TNRC6B: variants seen among roughly 807,000 people sequenced by gnomAD.
TNRC6B encodes the protein trinucleotide repeat containing adaptor 6B.
In TNRC6B, 52 loss-of-function variants were observed where a neutral mutation model predicts 203.6. The observed-to-expected ratio is 0.26, with a 90% CI of 0.20 to 0.32. The LOEUF is 0.32. TNRC6B is among the 10% of genes least tolerant of loss of function. TNRC6B has a pLI of 1.00. For synonymous variants in TNRC6B, 838 were observed against 845.7 expected (o/e 0.99, Z 0.16); for missense variants, 1,923 against 2,286.2 (o/e 0.84, Z 3.24).
At chr22:40,291,067 A>G (rs1452944405) in intron 12 of TNRC6B, among the ~76,000 whole-genome samples, 4 of 152,156 alleles carry the variant, frequency 2.6e-5, no homozygotes, top group Non-Finnish European at 5.9e-5. Context: ...TGTATTTCTA[A>G]AAAATGAAGC....
rs747243061 is a variant in TNRC6B, at chr22:40,261,915, G to A, written c.199G>A (p.Gly67Ser). The A allele has an allele frequency of 6.2e-7, 1 of 1,610,476 alleles. No individual in the cohort carries two copies. Among genetic ancestry groups the A allele is most frequent in the Non-Finnish European group, 8.5e-7 (1 of 1,177,276 alleles). ...GSSPSPPVNG[G>S]NNAKRVAVPN... Reference sequence around the variant, plus strand: ...CTCTCCATCGCCACCAGTCAATGGTGGCAACAATGCCAAAAGGGTGGCAGT... The same window carrying A: ...CTCTCCATCGCCACCAGTCAATGGTAGCAACAATGCCAAAAGGGTGGCAGT... Residue 67 changes from glycine (G) to serine (S), a missense_variant, in exon 4 of 23, where the codon GGC (glycine) becomes AGC (serine). Physicochemically the swap from Gly to Ser is moderately conservative, Grantham distance 56. Coordinates refer to ENST00000454349, the MANE Select transcript of TNRC6B (RefSeq NM_001162501.2).
At chr22:40,263,711 T>A (rs1032712697) in intron 4 of TNRC6B, among the ~76,000 whole-genome samples, 1 of 152,192 alleles carries the variant, frequency 6.6e-6, no homozygotes, top group Non-Finnish European at 1.5e-5. Flanking sequence ...CCAAAATATA[T>A]GGTGAGCCAG....
In TNRC6B at chr22:40,301,208, G is replaced by A; in HGVS notation, c.3995G>A (p.Gly1332Asp). 2 of 1,554,836 alleles carry A rather than the reference G, an allele frequency of 1.3e-6. No individual in the cohort carries two copies. Among genetic ancestry groups the A allele is most frequent in the Non-Finnish European group, 1.7e-6 (2 of 1,148,764 alleles). Residue 1332 changes from glycine to aspartate, a missense_variant, in exon 15 of 23, where the codon GGC becomes GAC. Gly to Asp is a moderately conservative substitution (Grantham distance 94). Transcript: ENST00000454349. ...QQQQQQQRQP[G>D]MKHSPSHPVG... is the part of the protein sequence containing the mutation. Reference sequence around the variant, plus strand: ...CAGCAGCAGCAGCAGAGGCAGCCAGGCATGAAGCACTCGCCCTCTCATCCT... The same window carrying A: ...CAGCAGCAGCAGCAGAGGCAGCCAGACATGAAGCACTCGCCCTCTCATCCT...
intron 21 of TNRC6B, among the ~76,000 whole-genome samples, chr22:40,318,062 A>G (rs996068170): frequency 6.6e-6 from 1 of 152,228 alleles, no homozygotes; most frequent in African/African-American, 2.4e-5. Flanking sequence ...AGGCCTTTTA[A>G]TACGCTAACA....
chr22:40,222,734 T>TTTTTTTTTTTTTG (rs2069729737), intron 1 of TNRC6B, among the ~76,000 whole-genome samples: 1 of 51,702 alleles, frequency 1.9e-5, no homozygotes, highest in Admixed American at 2.6e-4. Context: ...CTCTCTTTTT[T>TTTTTTTTTTTTTG]TTTTTTTTTT....
At chr22:40,211,504 A>G (rs775991951) in intron 1 of TNRC6B, among the ~76,000 whole-genome samples, 14 of 152,068 alleles carry the variant, frequency 9.2e-5, no homozygotes, top group African/African-American at 3.4e-4. Context: ...TGCTTTACGT[A>G]TATCATTTGT....
In TNRC6B at chr22:40,331,415, A is replaced by G. The variant is rs970175330; in HGVS notation, c.*8174A>G. 4 of 316,204 alleles carry G rather than the reference A, an allele frequency of 1.3e-5. No individual in the cohort carries two copies. The highest frequency in any genetic ancestry group is 5.8e-6 in the Non-Finnish European group (1 of 173,660). 19.6% of individuals were successfully genotyped at this position (316,204 alleles called of 1,614,324 possible). A position where few individuals can be genotyped will look rare whatever the true frequency, so the allele number is the denominator to read the frequency against. On this transcript the variant is annotated 3_prime_UTR_variant, in exon 23 of 23. Coordinates refer to ENST00000454349, the MANE Select transcript of TNRC6B (RefSeq NM_001162501.2). Reference sequence around the variant, plus strand: ...AATTTCACCTCTTCTCCCCACTCCTATCTTCTAAAGAAATATCAAGCAAAT... The same window carrying G: ...AATTTCACCTCTTCTCCCCACTCCTGTCTTCTAAAGAAATATCAAGCAAAT...
rs1385803055 is a variant in TNRC6B, at chr22:40,265,144, A to C, written c.914A>C (p.Asn305Thr). The change falls in exon 5 of 23, where the codon AAT (asparagine) becomes ACT (threonine). Residue 305 changes from asparagine to threonine, a missense_variant. Physicochemically the swap from Asn to Thr is moderately conservative, Grantham distance 65. Coordinates refer to ENST00000454349, the MANE Select transcript of TNRC6B (RefSeq NM_001162501.2). Reference sequence around the variant, plus strand: ...TCTGGCTTCAGCAACTTTAACCCAAATAGCAACCCATCTGCCTGGCCAGCA... The same window carrying C: ...TCTGGCTTCAGCAACTTTAACCCAACTAGCAACCCATCTGCCTGGCCAGCA... ...PGSGFSNFNP[N>T]SNPSAWPALV... 1 of 1,614,014 alleles carries C rather than the reference A, an allele frequency of 6.2e-7. No homozygotes were observed. Among genetic ancestry groups the C allele is most frequent in the South Asian group, 1.1e-5 (1 of 91,090 alleles).
chr22:40,184,138 C>G (rs1177583796), intron 1 of TNRC6B, among the ~76,000 whole-genome samples: 2 of 152,190 alleles, frequency 1.3e-5, no homozygotes, highest in African/African-American at 2.4e-5. Flanking sequence ...AGAAAATGAT[C>G]TGTTTACTCA....
At chr22:40,153,647 A>G (rs1443249159) in intron 3 of TNRC6B, among the ~76,000 whole-genome samples, 1 of 151,856 alleles carries the variant, frequency 6.6e-6, no homozygotes, top group Non-Finnish European at 1.5e-5. Flanking sequence ...ATAGCATTCC[A>G]TATGATTCAG....
chr22:40,178,940 T>C (rs2069099800), intron 1 of TNRC6B, among the ~76,000 whole-genome samples: 1 of 152,228 alleles, frequency 6.6e-6, no homozygotes, highest in African/African-American at 2.4e-5. Flanking sequence ...TCTTTATCAG[T>C]TCTCCCTGTG....
chr22:40,229,232 C>G (rs2069833888), intron 1 of TNRC6B, among the ~76,000 whole-genome samples: 1 of 152,194 alleles, frequency 6.6e-6, no homozygotes, highest in Non-Finnish European at 1.5e-5. Context: ...CTCTTTTCTA[C>G]AAGAGACTTC....
At chr22:40,172,526 A>G (rs2069011355) in intron 4 of TNRC6B, among the ~76,000 whole-genome samples, 2 of 152,190 alleles carry the variant, frequency 1.3e-5, no homozygotes, top group Non-Finnish European at 2.9e-5. Flanking sequence ...TGTAAAGCCT[A>G]TGTGGTCATA....
At chr22:40,205,434 G>T (rs776950661) in intron 1 of TNRC6B, among the ~76,000 whole-genome samples, 77 of 152,098 alleles carry the variant, frequency 5.1e-4, no homozygotes, top group Non-Finnish European at 1.0e-3. Context: ...AAAGAATTTA[G>T]ATATATATTA....
At chr22:40,303,957 TGAA>T (rs768474738) in intron 15 of TNRC6B, among the ~76,000 whole-genome samples, 10 of 152,230 alleles carry the variant, frequency 6.6e-5, no homozygotes, top group Non-Finnish European at 1.2e-4. Context: ...TTGTTTGAAT[TGAA>T]GAATACATTT....
chr22:40,259,494 TTACAGGCGTGAGCCA>T (rs1262151814), intron 3 of TNRC6B, among the ~76,000 whole-genome samples: 1 of 152,226 alleles, frequency 6.6e-6, no homozygotes, highest in Non-Finnish European at 1.5e-5. Flanking sequence ...AGTGCTGGGA[TTACAGGCGTGAGCCA>T]TCGCGCCTGG....
chr22:40,079,347 G>A (rs1229148387), intron 1 of TNRC6B, among the ~76,000 whole-genome samples: 1 of 152,166 alleles, frequency 6.6e-6, no homozygotes. Context: ...CAAGGTATGG[G>A]GACCATTTTT....
chr22:40,240,021 T>A (rs1356811408), intron 1 of TNRC6B, among the ~76,000 whole-genome samples: 2 of 151,792 alleles, frequency 1.3e-5, no homozygotes, highest in Non-Finnish European at 2.9e-5. Flanking sequence ...TTAGTAGAGA[T>A]GGGGTTTCGC....
intron 3 of TNRC6B, among the ~76,000 whole-genome samples, chr22:40,129,317 G>C (rs555484759): frequency 6.6e-6 from 1 of 152,308 alleles, no homozygotes; most frequent in East Asian, 1.9e-4. Flanking sequence ...TGATGTGTAG[G>C]ATTTGCATTT....
Sources: allele counts gnomAD v4.1 joint callset (sites outside exome capture counted in the v4.1 genomes callset), GRCh38; gene constraint gnomAD v4.1.1; transcripts MANE v1.5; gene names NCBI Gene and HGNC (gene_info 2026-07-23, HGNC 2026-07-21).